Variants in MRPL37 observed in about 807,000 individuals in gnomAD.
MRPL37 encodes the protein large ribosomal subunit protein mL37.
In MRPL37, 34 loss-of-function variants were observed where a neutral mutation model predicts 44.1. The ratio of observed to expected loss-of-function variants is 0.77; its 90% CI spans 0.59 to 1.03. The LOEUF (loss-of-function observed/expected upper bound fraction) is 1.03, where lower values mean the gene tolerates loss of function less well. Ranked by LOEUF, MRPL37 falls within the 50% of genes least tolerant of loss-of-function variation. MRPL37 has a pLI of 0.00. For missense variants in MRPL37, 532 were observed against 543.7 expected (o/e 0.98, Z 0.21); for synonymous variants, 212 against 219.5 (o/e 0.97, Z 0.30).
At chr1:54,202,384 T>TTTCATTTGTTACCACA (rs1244281415) in intron 1 of MRPL37, among the ~76,000 whole-genome samples, 3 of 152,224 alleles carry the variant, frequency 2.0e-5, no homozygotes, top group Non-Finnish European at 2.9e-5. Context: ...TTATTGTACT[T>TTTCATTTGTTACCACA]AGTGCCTTTC....
Position 54,205,343 on chromosome 1 carries a change from C to T in MRPL37, c.579C>T (p.Leu193=), listed in dbSNP as rs1383335564. ...NLIQLCKSQI[L]KHPSLARRIC... ...TACAGCTGTGTAAATCTCAGATTCT[C>T]AAGCATCCTTCTCTGGCCAGGAGGA... The change falls in exon 3 of 7, where the codon CTC becomes CTT. Residue 193 remains leucine, a synonymous_variant. Transcript: ENST00000360840. 1.9e-6 allele frequency: 3 copies of T among 1,614,158 alleles called. No homozygotes were observed. The highest frequency in any genetic ancestry group is 2.2e-5 in the South Asian group (2 of 91,066).
rs1644113462 is a variant in MRPL37, at chr1:54,205,301, C to T, written c.537C>T (p.Val179=). The T allele has an allele frequency of 6.2e-7, 1 of 1,612,668 alleles. No homozygotes were observed. The highest frequency in any genetic ancestry group is 8.5e-7 in the Non-Finnish European group (1 of 1,178,966). ...EIPKRETYCP[V]IVDNLIQLCK... ...GTCTCTTTTTGTCTTCAAGCCCGGT[C>T]ATCGTGGACAACCTAATACAGCTGT... is the stretch of plus-strand genomic sequence containing the variant. Residue 179 remains valine, a synonymous_variant, in exon 3 of 7, where the codon GTC becomes GTT. Coordinates refer to ENST00000360840, the MANE Select transcript of MRPL37 (RefSeq NM_016491.4).
At chr1:54,219,684 A>T (rs1055404583), downstream of MRPL37, among the ~76,000 whole-genome samples, 9 of 152,244 alleles carry the variant, frequency 5.9e-5, no homozygotes, top group Non-Finnish European at 8.8e-5. Context: ...AAGTCGACCC[A>T]CCCAAGGTGA....
downstream of MRPL37, among the ~76,000 whole-genome samples, chr1:54,224,422 T>G (rs549340660): frequency 2.0e-5 from 3 of 152,162 alleles, no homozygotes; most frequent in Non-Finnish European, 4.4e-5. Flanking sequence ...GGCACTGTTC[T>G]AAGCACTTCA....
At chr1:54,223,187 CCCCAGTGCTTGTA>C (rs1644247674), downstream of MRPL37, among the ~76,000 whole-genome samples, 1 of 152,224 alleles carries the variant, frequency 6.6e-6, no homozygotes, top group Non-Finnish European at 1.5e-5. Context: ...AACTCCAAGC[CCCCAGTGCTTGTA>C]CCCAGTGAGC....
intron 1 of MRPL37, among the ~76,000 whole-genome samples, chr1:54,201,197 AGGATAGG>A (rs1446936962): frequency 3.9e-5 from 6 of 152,168 alleles, no homozygotes; most frequent in Non-Finnish European, 5.9e-5. Flanking sequence ...TCCTCAAATC[AGGATAGG>A]GATGGGGCAG....
intron 6 of MRPL37, among the ~76,000 whole-genome samples, chr1:54,217,740 A>T (rs10888840): frequency 0.18 from 27,146 of 152,052 alleles, 2,819 homozygotes; most frequent in East Asian, 0.47. Flanking sequence ...CACTATTTGA[A>T]CAGCTGACGG....
rs1489479829 is a variant in MRPL37, at chr1:54,212,663, G to A, written c.990+5G>A. 6.2e-7 allele frequency: 1 copy of A among 1,614,206 alleles called. No homozygotes were observed. Among genetic ancestry groups the A allele is most frequent in the South Asian group, 1.1e-5 (1 of 91,078 alleles). ...CAGGCCCGGCTCCTCTATGGGGTAT[G>A]TAGGTGGAGAAGACCACTGAGTTGC... On this transcript the variant is annotated splice_donor_5th_base_variant and intron_variant, in intron 5 of 6. Transcript: ENST00000360840.
downstream of MRPL37, among the ~76,000 whole-genome samples, chr1:54,224,665 T>C (rs1644262257): frequency 7.1e-6 from 1 of 140,312 alleles, no homozygotes; most frequent in Admixed American, 7.0e-5. Context: ...CACCACGGCA[T>C]CCGCTCCTGC....
intron 4 of MRPL37, among the ~76,000 whole-genome samples, chr1:54,210,888 A>C (rs1271113372): frequency 2.0e-5 from 3 of 152,072 alleles, no homozygotes; most frequent in Non-Finnish European, 2.9e-5. Flanking sequence ...ATCTGTCTTC[A>C]TGCCCACCTC....
intron 5 of MRPL37, 149 bp from the exon 6 acceptor site, chr1:54,215,989 ACTC>A: frequency 3.7e-6 from 3 of 821,682 alleles, no homozygotes; most frequent in South Asian, 3.4e-5. Context: ...AGTGCCCTGA[ACTC>A]CTCATTCTAT....
chr1:54,208,741 T>G (rs1271231374), intron 3 of MRPL37, among the ~76,000 whole-genome samples: 1 of 152,074 alleles, frequency 6.6e-6, no homozygotes, highest in Admixed American at 6.6e-5. Flanking sequence ...TCCCCCTTTC[T>G]TTGCCTGGCA....
rs1451367607 is a variant in MRPL37, at chr1:54,205,008, T to C, written c.347-10T>C. The C allele has an allele frequency of 1.9e-6, 3 of 1,594,808 alleles. No individual in the cohort carries two copies. Among genetic ancestry groups the C allele is most frequent in the African/African-American group, 1.4e-5 (1 of 74,016 alleles). On this transcript the variant is annotated splice_polypyrimidine_tract_variant and intron_variant, in intron 1 of 6. Transcript: ENST00000360840. Reference sequence around the variant, plus strand: ...TTCCTTCTTTATTTTTGTGGCTAATTACCTCAAAGGTGTAAAGCAGGCCCT... The same window carrying C: ...TTCCTTCTTTATTTTTGTGGCTAATCACCTCAAAGGTGTAAAGCAGGCCCT...
Position 54,210,052 on chromosome 1 carries a change from T to A in MRPL37, c.753T>A (p.His251Gln). ...SREEIEATKN[H>Q]VLETFYPISP... is the part of the protein sequence containing the mutation. ...AGGAGATTGAAGCTACTAAGAATCA[T>A]GTTCTAGAGACCTTCTACCCCATAT... The change falls in exon 4 of 7, where the codon CAT (histidine) becomes CAA (glutamine). Residue 251 changes from histidine to glutamine, a missense_variant. Coordinates refer to ENST00000360840, the MANE Select transcript of MRPL37 (RefSeq NM_016491.4). 1 of 1,614,196 alleles carries A rather than the reference T, an allele frequency of 6.2e-7. No homozygotes were observed. The highest frequency in any genetic ancestry group is 8.5e-7 in the Non-Finnish European group (1 of 1,180,024).
chr1:54,213,041 C>T (rs1362377537), intron 5 of MRPL37, among the ~76,000 whole-genome samples: 1 of 152,190 alleles, frequency 6.6e-6, no homozygotes, highest in Admixed American at 6.5e-5. Context: ...CATGCTGCCT[C>T]TGTTCTTGTA....
chr1:54,224,572 G>C (rs776252495), downstream of MRPL37, among the ~76,000 whole-genome samples: 4 of 152,162 alleles, frequency 2.6e-5, no homozygotes, highest in African/African-American at 9.7e-5. Flanking sequence ...TTAAACCTGG[G>C]AATTTGCTAT....
downstream of MRPL37, among the ~76,000 whole-genome samples, chr1:54,223,103 T>C (rs1644246340): frequency 6.6e-6 from 1 of 152,186 alleles, no homozygotes; most frequent in African/African-American, 2.4e-5. Context: ...ACCCTGGGAA[T>C]AGAGAGAACA....
Position 54,205,113 on chromosome 1 carries a change from G to A in MRPL37, c.442G>A (p.Glu148Lys), listed in dbSNP as rs552435929. ...SLVDDPRNHI[E>K]NQDECVLNVI... Reference sequence around the variant, plus strand: ...TGTTGATGATCCAAGGAACCACATAGAGAACCAAGACGAGTGCGTTCTGAA... The same window carrying A: ...TGTTGATGATCCAAGGAACCACATAAAGAACCAAGACGAGTGCGTTCTGAA... Residue 148 changes from glutamate (E) to lysine (K), a missense_variant, in exon 2 of 7, where the codon GAG becomes AAG. Transcript: ENST00000360840. 1.2e-6 allele frequency: 2 copies of A among 1,614,116 alleles called. No individual in the cohort carries two copies. The highest frequency in any genetic ancestry group is 2.7e-5 in the African/African-American group (2 of 75,012).
rs926206789 is a variant in MRPL37 at position 54,213,725 on chromosome 1, A to G, written c.990+1067A>G. ...CGATCAGCGTTTTAACAAGCCCCCCAGTTATGCTGCTACAAGCTCGAGTTT... is the reference window on the plus strand; with the variant it reads ...CGATCAGCGTTTTAACAAGCCCCCCGGTTATGCTGCTACAAGCTCGAGTTT... On this transcript the variant is annotated intron_variant, in intron 5 of 6. Transcript: ENST00000360840. Among the ~76,000 whole-genome samples, 3 of 152,210 alleles carry G rather than the reference A, an allele frequency of 2.0e-5. No individual in the cohort carries two copies. The East Asian group carries it at 5.8e-4, about 29-fold the overall frequency.
Sources: allele counts gnomAD v4.1 joint callset (sites outside exome capture counted in the v4.1 genomes callset), GRCh38; gene constraint gnomAD v4.1.1; transcripts MANE v1.5; gene names NCBI Gene and HGNC (gene_info 2026-07-23, HGNC 2026-07-21).